The following DIP2C variants were observed in gnomAD, a reference collection of about 807,000 sequenced individuals.
DIP2C encodes disco-interacting protein 2 homolog C.
A neutral mutation model predicts 192.4 loss-of-function variants in DIP2C; 33 were observed. That is an observed-to-expected ratio of 0.17 (90% confidence interval 0.13 to 0.23). DIP2C has a LOEUF of 0.23. Among genes scored for constraint, DIP2C ranks in the 10% least tolerant of loss-of-function variants. The pLI is 1.00. For synonymous variants in DIP2C, 979 were observed against 864.1 expected (o/e 1.13, Z -2.33); for missense variants, 1,537 against 2,110.1 (o/e 0.73, Z 5.32).
At chr10:576,945 G>A (rs916485931) in intron 1 of DIP2C, among the ~76,000 whole-genome samples, 2 of 152,122 alleles carry the variant, frequency 1.3e-5, no homozygotes, top group Admixed American at 6.5e-5. Context: ...AGGGCAAGAT[G>A]AAAACTAATT....
At position 418,036 on chromosome 10, in the gene DIP2C, G is replaced by A. The variant is rs1343156696; in HGVS notation, c.739+1029C>T. 9.8e-4 allele frequency among the ~76,000 whole-genome samples: 40 copies of A among 40,766 alleles called. 2 individuals are homozygous for A. Among genetic ancestry groups the A allele is most frequent in the Non-Finnish European group, 1.1e-3 (22 of 19,750 alleles). 26.7% of individuals were successfully genotyped at this position (40,766 alleles called of 152,430 possible). A position where few individuals can be genotyped will look rare whatever the true frequency, so the allele number is the denominator to read the frequency against. Reference sequence around the variant, plus strand: ...CGCGGACAGGCCTCCCTGTCCACCTGTTCCTGTCAGGGCTTCGATAGGCCT... The same window carrying A: ...CGCGGACAGGCCTCCCTGTCCACCTATTCCTGTCAGGGCTTCGATAGGCCT... On this transcript the variant is annotated intron_variant, in intron 6 of 36. Transcript: ENST00000280886.
chr10:451,167 G>A (rs1015796249), intron 3 of DIP2C, among the ~76,000 whole-genome samples: 1 of 152,152 alleles, frequency 6.6e-6, no homozygotes, highest in African/African-American at 2.4e-5. Flanking sequence ...ACAGGCGTAC[G>A]TACACCTGGT....
chr10:483,340 G>A (rs1316450206), intron 2 of DIP2C, among the ~76,000 whole-genome samples: 4 of 152,254 alleles, frequency 2.6e-5, no homozygotes, highest in East Asian at 3.9e-4. Context: ...AGGAAGTCAC[G>A]TCCCATGGGG....
chr10:472,566 A>G lies in DIP2C; in HGVS notation c.158-17T>C. 1 of 1,605,000 alleles carries G rather than the reference A, an allele frequency of 6.2e-7. No individual in the cohort carries two copies. On this transcript the variant is annotated splice_polypyrimidine_tract_variant and intron_variant, in intron 2 of 36. Coordinates refer to ENST00000280886, the MANE Select transcript of DIP2C (RefSeq NM_014974.3). Reference sequence around the variant, plus strand: ...GGTCCACCCCTGGATTTCAATAAAAACAGCAGAGTGAGGTGTGACTGTACT... The same window carrying G: ...GGTCCACCCCTGGATTTCAATAAAAGCAGCAGAGTGAGGTGTGACTGTACT...
chr10:467,086 A>T (rs1970265243), intron 3 of DIP2C, among the ~76,000 whole-genome samples: 2 of 152,008 alleles, frequency 1.3e-5, no homozygotes, highest in African/African-American at 4.8e-5. Flanking sequence ...ATGCACACGT[A>T]TGTTTATTGC....
At chr10:546,631 CAG>C (rs1024681254) in intron 1 of DIP2C, among the ~76,000 whole-genome samples, 7 of 152,378 alleles carry the variant, frequency 4.6e-5, no homozygotes, top group African/African-American at 1.4e-4. Context: ...GTCTGCAACG[CAG>C]AGTCTGGACC....
intron 1 of DIP2C, among the ~76,000 whole-genome samples, chr10:518,095 GGCCA>G (rs1380893738): frequency 7.9e-5 from 12 of 152,208 alleles, no homozygotes; most frequent in African/African-American, 2.7e-4. Flanking sequence ...CAGCCACACT[GGCCA>G]GCAAGTCCTG....
chr10:593,601 C>G (rs561328370), intron 1 of DIP2C, among the ~76,000 whole-genome samples: 48 of 151,824 alleles, frequency 3.2e-4, no homozygotes, highest in Middle Eastern at 3.4e-3. Context: ...GTACTTCCCC[C>G]CAAAAGCTGG....
At chr10:448,761 CACTCACCCCT>C (rs1564726344) in intron 3 of DIP2C, among the ~76,000 whole-genome samples, 13 of 141,818 alleles carry the variant, frequency 9.2e-5, no homozygotes, top group East Asian at 2.2e-4. Flanking sequence ...CAGCAGGACC[CACTCACCCCT>C]GTCGATACTC....
chr10:447,619 C>CA (rs1968374401), intron 3 of DIP2C, among the ~76,000 whole-genome samples: 2 of 144,114 alleles, frequency 1.4e-5, no homozygotes, highest in Non-Finnish European at 3.0e-5. Flanking sequence ...CCACTCATCC[C>CA]TGTCTATACT....
At chr10:483,777 G>A (rs1843795015) in intron 2 of DIP2C, among the ~76,000 whole-genome samples, 1 of 152,156 alleles carries the variant, frequency 6.6e-6, no homozygotes, top group Non-Finnish European at 1.5e-5. Flanking sequence ...GACCCCAGTG[G>A]CCAACTGTAA....
At chr10:596,153 G>A (rs1327856486) in intron 1 of DIP2C, among the ~76,000 whole-genome samples, 2 of 152,138 alleles carry the variant, frequency 1.3e-5, no homozygotes, top group African/African-American at 2.4e-5. Context: ...AAAGGTCACA[G>A]ATAACGTTTT....
chr10:440,379 G>A (rs1226815425), intron 4 of DIP2C, among the ~76,000 whole-genome samples: 3 of 152,170 alleles, frequency 2.0e-5, no homozygotes, highest in South Asian at 4.1e-4. Context: ...AGACCTTATG[G>A]CCTGCAGGAA....
intron 31 of DIP2C, chr10:324,987 T>C (rs373125583): frequency 5.1e-5 from 27 of 529,972 alleles, no homozygotes; most frequent in Admixed American, 2.7e-4. Context: ...ATTTTGGGGC[T>C]GGGCGTGGTG....
chr10:577,599 C>T (rs764693068), intron 1 of DIP2C, among the ~76,000 whole-genome samples: 5 of 152,196 alleles, frequency 3.3e-5, no homozygotes, highest in Non-Finnish European at 5.9e-5. Flanking sequence ...GGATGAAGGG[C>T]CCCAGCCCTG....
At chr10:565,503 A>T (rs1242752915) in intron 1 of DIP2C, among the ~76,000 whole-genome samples, 1 of 152,184 alleles carries the variant, frequency 6.6e-6, no homozygotes, top group Admixed American at 6.5e-5. Flanking sequence ...CTCTTTTTAA[A>T]CAAGGCATAT....
chr10:530,073 G>A (rs777486163), intron 1 of DIP2C, among the ~76,000 whole-genome samples: 11 of 152,238 alleles, frequency 7.2e-5, no homozygotes, highest in Non-Finnish European at 1.0e-4. Context: ...ACACGATGCC[G>A]AGTCTCCACG....
chr10:511,440 T>C (rs905480072), intron 1 of DIP2C, among the ~76,000 whole-genome samples: 25 of 152,336 alleles, frequency 1.6e-4, no homozygotes, highest in African/African-American at 5.8e-4. Context: ...ACCAACAAGA[T>C]TGTTTCCAAA....
At chr10:592,149 C>A (rs561779035) in intron 1 of DIP2C, among the ~76,000 whole-genome samples, 396 of 152,240 alleles carry the variant, frequency 2.6e-3, no homozygotes, top group Middle Eastern at 0.01. Context: ...ATTGATATTT[C>A]TGCTAATTAG....
Sources: allele counts gnomAD v4.1 joint callset (sites outside exome capture counted in the v4.1 genomes callset), GRCh38; gene constraint gnomAD v4.1.1; transcripts MANE v1.5; gene names NCBI Gene and HGNC (gene_info 2026-07-23, HGNC 2026-07-21).